The following DGKI variants were observed in gnomAD, a reference collection of about 807,000 sequenced individuals.
DGKI encodes DAG kinase iota.
A neutral mutation model predicts 147.5 loss-of-function variants in DGKI; 55 were observed. The observed-to-expected ratio is 0.37, with a 90% CI of 0.30 to 0.47. The LOEUF (loss-of-function observed/expected upper bound fraction) is 0.47. DGKI is among the 20% of genes least tolerant of loss of function. The probability of loss-of-function intolerance (pLI) is 1.00; values close to 1 mark genes in which losing one functional copy is unlikely to be tolerated. For synonymous variants in DGKI, 469 were observed against 477.1 expected, an observed-to-expected ratio of 0.98 and a Z score of 0.22; for missense variants, 1,007 against 1,323.8, an observed-to-expected ratio of 0.76 and a Z score of 3.71.
At chr7:137,563,173 C>G (rs1283297787) in intron 19 of DGKI, among the ~76,000 whole-genome samples, 1 of 150,524 alleles carries the variant, frequency 6.6e-6, no homozygotes, top group Admixed American at 6.7e-5. Flanking sequence ...GTCAATTTCA[C>G]AGATACAAAA....
chr7:137,784,399 A>C (rs1386620029), intron 1 of DGKI, among the ~76,000 whole-genome samples: 2 of 152,180 alleles, frequency 1.3e-5, no homozygotes, highest in African/African-American at 4.8e-5. Context: ...GAATGATAAA[A>C]AGACAAGTCC....
intron 21 of DGKI, among the ~76,000 whole-genome samples, chr7:137,519,399 A>G (rs1248260622): frequency 1.3e-5 from 2 of 152,032 alleles, no homozygotes; most frequent in Non-Finnish European, 2.9e-5. Flanking sequence ...CTGCCTGAAG[A>G]TATCACTTGG....
At chr7:137,789,030 T>C (rs889779445) in intron 1 of DGKI, among the ~76,000 whole-genome samples, 1 of 152,222 alleles carries the variant, frequency 6.6e-6, no homozygotes, top group African/African-American at 2.4e-5. Flanking sequence ...CTTCAAAGAA[T>C]TTATAATTTA....
At chr7:137,722,489 T>G in intron 1 of DGKI, 1 of 1,610,610 alleles carries the variant, frequency 6.2e-7, no homozygotes, top group Non-Finnish European at 8.5e-7. Context: ...CTGAAGCAGC[T>G]GGCTAGTGGC....
chr7:137,532,641 T>A (rs1817379835), intron 20 of DGKI, among the ~76,000 whole-genome samples: 2 of 152,116 alleles, frequency 1.3e-5, no homozygotes, highest in African/African-American at 2.4e-5. Flanking sequence ...GTAGCTCAGA[T>A]GTGTTCCCAC....
intron 12 of DGKI, among the ~76,000 whole-genome samples, chr7:137,594,091 G>A (rs753571126): frequency 5.3e-5 from 8 of 152,242 alleles, no homozygotes; most frequent in South Asian, 2.1e-4. Context: ...GTGTCACCCA[G>A]GCTGGAGTGC....
chr7:137,511,821 C>T (rs1467657423), intron 21 of DGKI, among the ~76,000 whole-genome samples: 2 of 152,182 alleles, frequency 1.3e-5, no homozygotes, highest in Non-Finnish European at 2.9e-5. Flanking sequence ...CAGCTGAGTC[C>T]TTCTCCAGAA....
chr7:137,751,638 A>G (rs1479778612), intron 1 of DGKI, among the ~76,000 whole-genome samples: 1 of 152,222 alleles, frequency 6.6e-6, no homozygotes, highest in Non-Finnish European at 1.5e-5. Flanking sequence ...TATGTAAAGG[A>G]AAAGACTAAA....
At chr7:137,605,348 A>AATAAAATAAAAT (rs1820144025) in intron 10 of DGKI, among the ~76,000 whole-genome samples, 1 of 146,912 alleles carries the variant, frequency 6.8e-6, no homozygotes, top group African/African-American at 2.6e-5. Context: ...AATAAAATAA[A>AATAAAATAAAAT]ATAAAATAAA....
Position 137,614,484 on chromosome 7 carries a change from G to A in DGKI, c.994-4875C>T, listed in dbSNP as rs73152506. Among the ~76,000 whole-genome samples the A allele has an allele frequency of 4.2e-3, 634 of 152,166 alleles. 5 individuals carry two copies. The highest frequency in any genetic ancestry group is 6.0e-3 in the Non-Finnish European group (407 of 67,988). The stretch of plus-strand genomic sequence containing the variant: ...TATTGTCTAGTAATATTTTCAGTCC[G>A]AAAGAGAAACACTGACATTTGTAAC... On this transcript the variant is annotated intron_variant, in intron 8 of 32. Transcript: ENST00000614521.
rs185208642 is a variant in DGKI at position 137,764,948 on chromosome 7, G to A, written c.402-74946C>T. ...CCCAAGAGGCTACAGGGGCTTCCAG[G>A]GTAACTTGCCTAAAGTTTCACAGCT... On this transcript the variant is annotated intron_variant, in intron 1 of 32. Transcript: ENST00000614521. Among the ~76,000 whole-genome samples the A allele has an allele frequency of 2.2e-4, 34 of 152,222 alleles. No individual in the cohort carries two copies. In the East Asian group the frequency reaches 6.2e-3, roughly 28 times the overall value.
intron 1 of DGKI, among the ~76,000 whole-genome samples, chr7:137,801,010 T>C (rs1208079514): frequency 6.6e-6 from 1 of 152,218 alleles, no homozygotes; most frequent in Non-Finnish European, 1.5e-5. Flanking sequence ...ATGAATGTTG[T>C]TCAACAGTGA....
intron 23 of DGKI, among the ~76,000 whole-genome samples, chr7:137,483,501 G>C (rs1248183403): frequency 3.9e-5 from 6 of 152,004 alleles, no homozygotes; most frequent in Non-Finnish European, 8.8e-5. Context: ...TTGTTACATA[G>C]GTAAACATGT....
intron 1 of DGKI, among the ~76,000 whole-genome samples, chr7:137,824,962 A>T (rs946717152): frequency 1.3e-5 from 2 of 152,176 alleles, no homozygotes; most frequent in Admixed American, 6.5e-5. Context: ...TCTATCATTT[A>T]TGGGGATTTA....
intron 28 of DGKI, among the ~76,000 whole-genome samples, chr7:137,427,292 G>A (rs995586711): frequency 6.6e-5 from 10 of 152,180 alleles, no homozygotes; most frequent in South Asian, 2.1e-4. Flanking sequence ...ACCTGCTCCT[G>A]AATGACTACT....
intron 17 of DGKI, 40 bp from the exon 18 acceptor site, chr7:137,572,878 AC>A: frequency 6.8e-7 from 1 of 1,465,160 alleles, no homozygotes; most frequent in Middle Eastern, 1.8e-4. Flanking sequence ...TGAAGTAGTC[AC>A]AAGTCTAAAA....
At chr7:137,735,550 C>G (rs1188500734) in intron 1 of DGKI, among the ~76,000 whole-genome samples, 2 of 149,318 alleles carry the variant, frequency 1.3e-5, no homozygotes, top group African/African-American at 5.1e-5. Context: ...CGGGTTTTTT[C>G]TTTTATAAAA....
At chr7:137,394,228 G>A (rs539359680) in intron 32 of DGKI, among the ~76,000 whole-genome samples, 12 of 152,260 alleles carry the variant, frequency 7.9e-5, no homozygotes, top group Admixed American at 2.0e-4. Context: ...GGATGGATGC[G>A]AATGAGGCTC....
intron 1 of DGKI, among the ~76,000 whole-genome samples, chr7:137,751,830 A>G (rs1002331001): frequency 2.0e-5 from 3 of 152,174 alleles, no homozygotes; most frequent in African/African-American, 7.2e-5. Flanking sequence ...ACAAAAATTG[A>G]CCTGTACGCT....
Sources: allele counts gnomAD v4.1 joint callset (sites outside exome capture counted in the v4.1 genomes callset), GRCh38; gene constraint gnomAD v4.1.1; transcripts MANE v1.5; gene names NCBI Gene and HGNC (gene_info 2026-07-23, HGNC 2026-07-21).